The following PDK1 variants were observed in gnomAD, a reference collection of about 807,000 sequenced individuals.
PDK1 encodes the protein [Pyruvate dehydrogenase (acetyl-transferring)] kinase isozyme 1, mitochondrial.
In PDK1, 39 loss-of-function variants were observed where a neutral mutation model predicts 54.2. That is an observed-to-expected ratio of 0.72 (90% CI 0.56 to 0.94). The LOEUF is 0.94. Among genes scored for constraint, PDK1 ranks in the 40% least tolerant of loss-of-function variants. The pLI, the probability that PDK1 is intolerant of heterozygous loss-of-function variation, is 0.00. For missense variants in PDK1, 552 were observed against 566.0 expected (o/e 0.98, Z 0.25); for synonymous variants, 221 against 207.1 (o/e 1.07, Z -0.58).
In PDK1 at chr2:172,602,473, T is replaced by A. The variant is rs544046049; in HGVS notation, c.*6504T>A. The A allele has an allele frequency of 1.3e-5, 2 of 152,208 alleles. No individual in the cohort carries two copies. Among genetic ancestry groups the A allele is most frequent in the African/African-American group, 4.8e-5 (2 of 41,450 alleles). 9.4% of individuals were successfully genotyped at this position (152,208 alleles called of 1,614,324 possible). On this transcript the variant is annotated 3_prime_UTR_variant, in exon 11 of 11. Coordinates refer to ENST00000282077, the MANE Select transcript of PDK1 (RefSeq NM_002610.5). ...ACTTATATAAGCCATTAGTGGATGT[T>A]ACAATAAACCTCGTATAGTGTCAGA... is the stretch of plus-strand genomic sequence containing the variant.
chr2:172,623,965 T>C, the PDK1 span, among the ~76,000 whole-genome samples: 1 of 152,182 alleles, frequency 6.6e-6, no homozygotes, highest in Non-Finnish European at 1.5e-5. Context: ...GCTTTGGTGA[T>C]GGCTGTTGTT....
At chr2:172,612,208 G>T (rs1373825548), downstream of PDK1, among the ~76,000 whole-genome samples, 1 of 152,154 alleles carries the variant, frequency 6.6e-6, no homozygotes, top group Non-Finnish European at 1.5e-5. Context: ...ATTAACATTT[G>T]AATGAATATT....
At chr2:172,656,725 G>A in the PDK1 span, among the ~76,000 whole-genome samples, 1 of 152,130 alleles carries the variant, frequency 6.6e-6, no homozygotes. Flanking sequence ...CAGCCTTATT[G>A]GGCAACATGG....
intron 8 of PDK1, 62 bp from the exon 9 acceptor site, chr2:172,586,216 T>C: frequency 1.1e-6 from 1 of 903,276 alleles, no homozygotes; most frequent in Admixed American, 1.7e-5. Flanking sequence ...GCTATGAGTA[T>C]GTGTTGATAT....
At chr2:172,656,264 A>G in the PDK1 span, among the ~76,000 whole-genome samples, 3 of 152,326 alleles carry the variant, frequency 2.0e-5, no homozygotes, top group South Asian at 6.2e-4. Flanking sequence ...ATACAGAGCA[A>G]TAAGCTACTA....
At chr2:172,647,266 C>T in the PDK1 span, among the ~76,000 whole-genome samples, 6 of 151,892 alleles carry the variant, frequency 4.0e-5, no homozygotes, top group African/African-American at 7.3e-5. Flanking sequence ...CGGGAGGGGG[C>T]GCAGGGAATA....
chr2:172,704,743 A>C, the PDK1 span, among the ~76,000 whole-genome samples: 11 of 152,226 alleles, frequency 7.2e-5, no homozygotes, highest in East Asian at 1.9e-3. Flanking sequence ...TAAAATTACA[A>C]CCCTGTGTAG....
the PDK1 span, among the ~76,000 whole-genome samples, chr2:172,641,303 T>C: frequency 6.6e-6 from 1 of 152,060 alleles, no homozygotes; most frequent in Non-Finnish European, 1.5e-5. Context: ...CTAATTCTTT[T>C]TTCCTTTTTG....
the PDK1 span, among the ~76,000 whole-genome samples, chr2:172,712,429 G>A: frequency 2.6e-5 from 4 of 152,112 alleles, no homozygotes; most frequent in African/African-American, 7.2e-5. Context: ...TACTGGCTCC[G>A]ATCCCATGGC....
chr2:172,671,856 A>G, the PDK1 span, among the ~76,000 whole-genome samples: 1 of 152,212 alleles, frequency 6.6e-6, no homozygotes, highest in Non-Finnish European at 1.5e-5. Flanking sequence ...GACAGGTAAC[A>G]CAGTAAAAAG....
rs576167116 is a variant in PDK1 at position 172,569,997 on chromosome 2, C to T, written c.847-729C>T. On this transcript the variant is annotated intron_variant, in intron 7 of 10. Transcript: ENST00000282077. ...ATAATGTCAGTAATAATGGCTTTCACCTGGAACCTAATCTTAACCTGCCTT... is the reference window on the plus strand; with the variant it reads ...ATAATGTCAGTAATAATGGCTTTCATCTGGAACCTAATCTTAACCTGCCTT... 5.9e-5 allele frequency among the ~76,000 whole-genome samples: 9 copies of T among 152,294 alleles called. No homozygotes were observed. In the South Asian group the frequency reaches 1.9e-3, roughly 32 times the overall value.
chr2:172,668,807 T>C, the PDK1 span, among the ~76,000 whole-genome samples: 338 of 147,232 alleles, frequency 2.3e-3, no homozygotes, highest in African/African-American at 7.3e-3. Flanking sequence ...TGTATATATA[T>C]ACATTATATA....
intron 8 of PDK1, among the ~76,000 whole-genome samples, chr2:172,573,178 A>G (rs952354789): frequency 6.6e-6 from 1 of 152,214 alleles, no homozygotes; most frequent in African/African-American, 2.4e-5. Context: ...CTGTTTTCCA[A>G]AGGACCTGCA....
rs1203112976 is a variant in PDK1 at position 172,599,514 on chromosome 2, G to T, written c.*3545G>T. ...TAGGTAGTTTGCAAACATGACTTTT[G>T]CTGGAGGAACTTTTAATCATGTCTT... On this transcript the variant is annotated 3_prime_UTR_variant, in exon 11 of 11. Coordinates refer to ENST00000282077, the MANE Select transcript of PDK1 (RefSeq NM_002610.5). The T allele has an allele frequency of 1.3e-5, 2 of 152,128 alleles. No homozygotes were observed. The allele number at this position is 152,128 out of a possible 1,614,324, so 9.4% of individuals were successfully genotyped here. A position where few individuals can be genotyped will look rare whatever the true frequency, so the allele number is the denominator to read the frequency against.
rs1200052683 is a variant in PDK1 at position 172,568,782 on chromosome 2, T to C, written c.811T>C (p.Ser271Pro). The change falls in exon 7 of 11, where the codon TCC becomes CCC. Residue 271 changes from serine to proline, a missense_variant. Transcript: ENST00000282077. ...GQPIQVVYVP[S>P]HLYHMVFELF... Reference sequence around the variant, plus strand: ...GCCAATACAAGTGGTTTATGTACCATCCCATCTCTATCACATGGTGTTTGA... The same window carrying C: ...GCCAATACAAGTGGTTTATGTACCACCCCATCTCTATCACATGGTGTTTGA... The C allele has an allele frequency of 6.2e-7, 1 of 1,609,176 alleles. No individual in the cohort carries two copies. The highest frequency in any genetic ancestry group is 2.2e-5 in the East Asian group (1 of 44,842).
Position 172,568,763 on chromosome 2 carries a change from A to G in PDK1, c.792A>G (p.Ile264Met). The G allele has an allele frequency of 1.2e-6, 2 of 1,609,464 alleles. No homozygotes were observed. Among genetic ancestry groups the G allele is most frequent in the Non-Finnish European group, 1.7e-6 (2 of 1,175,744 alleles). The change falls in exon 7 of 11, where the codon ATA (isoleucine) becomes ATG (methionine). Residue 264 changes from isoleucine to methionine, a missense_variant. Transcript: ENST00000282077. ...TAGCAAAATCACCAGGACAGCCAAT[A>G]CAAGTGGTTTATGTACCATCCCATC... ...ELNAKSPGQP[I>M]QVVYVPSHLY...
intron 9 of PDK1, among the ~76,000 whole-genome samples, chr2:172,587,172 T>C (rs955200277): frequency 6.6e-6 from 1 of 152,264 alleles, no homozygotes; most frequent in East Asian, 1.9e-4. Context: ...TTGGTCTTGC[T>C]GACTTCAAGA....
chr2:172,638,856 C>T, the PDK1 span, among the ~76,000 whole-genome samples: 19 of 152,248 alleles, frequency 1.2e-4, no homozygotes, highest in East Asian at 9.6e-4. Flanking sequence ...ATAAATTAAA[C>T]GTTCTTACAT....
At chr2:172,644,189 G>C in the PDK1 span, among the ~76,000 whole-genome samples, 1 of 152,202 alleles carries the variant, frequency 6.6e-6, no homozygotes, top group Admixed American at 6.5e-5. Context: ...CCAGGGACAG[G>C]ACAGGGAGAG....
Sources: gnomAD v4.1 joint callset for allele counts (sites outside exome capture counted in the v4.1 genomes callset) on GRCh38, gnomAD v4.1.1 for gene constraint, MANE v1.5 for transcripts, NCBI Gene and HGNC (gene_info 2026-07-23, HGNC 2026-07-21) for gene names.